PCSK5: variants seen among roughly 807,000 people sequenced by gnomAD.
PCSK5 encodes the protein prohormone convertase 5.
Under a neutral mutation model 233.2 loss-of-function variants are expected in PCSK5, and 129 were observed. The ratio of observed to expected loss-of-function variants is 0.55; its 90% CI spans 0.48 to 0.64. PCSK5 has a LOEUF of 0.64. PCSK5 is among the 30% of genes least tolerant of loss of function. The pLI is 0.00. For missense variants in PCSK5, 2,076 were observed against 2,430.1 expected (o/e 0.85, Z 3.06); for synonymous variants, 825 against 879.2 (o/e 0.94, Z 1.09).
At chr9:76,147,208 G>T (rs1339871608) in intron 10 of PCSK5, among the ~76,000 whole-genome samples, 1 of 152,158 alleles carries the variant, frequency 6.6e-6, no homozygotes, top group East Asian at 1.9e-4. Flanking sequence ...AGACCAATCT[G>T]TCCCTGAAGT....
intron 3 of PCSK5, among the ~76,000 whole-genome samples, chr9:75,994,993 A>G (rs1251841616): frequency 1.3e-5 from 2 of 152,186 alleles, no homozygotes; most frequent in Non-Finnish European, 2.9e-5. Flanking sequence ...CTTTCAGCCC[A>G]TAGGCTTTAT....
At chr9:75,927,160 T>C (rs1034975185) in intron 1 of PCSK5, among the ~76,000 whole-genome samples, 4 of 152,336 alleles carry the variant, frequency 2.6e-5, no homozygotes, top group Middle Eastern at 6.8e-3. Context: ...CATTCTAGTG[T>C]GTGTGCAGTG....
intron 3 of PCSK5, among the ~76,000 whole-genome samples, chr9:75,990,764 G>A (rs971918046): frequency 6.6e-6 from 1 of 152,150 alleles, no homozygotes; most frequent in East Asian, 1.9e-4. Flanking sequence ...CTGGACATTG[G>A]CCTGTAATTT....
intron 1 of PCSK5, among the ~76,000 whole-genome samples, chr9:75,916,136 CTTAAAG>C (rs1380684504): frequency 6.6e-6 from 1 of 152,120 alleles, no homozygotes; most frequent in Non-Finnish European, 1.5e-5. Context: ...AGATATTAAT[CTTAAAG>C]TTAATCAGGT....
intron 1 of PCSK5, among the ~76,000 whole-genome samples, chr9:75,908,931 CTCTCTCTCTGTCTATCTATCTA>C (rs1564074929): frequency 5.1e-5 from 6 of 117,762 alleles, no homozygotes; most frequent in Admixed American, 9.0e-5. Context: ...ATCTCTCTAT[CTCTCTCTCTGTCTATCTATCTA>C]TCTATCTATC....
At chr9:75,975,370 C>T (rs1825972819) in intron 2 of PCSK5, among the ~76,000 whole-genome samples, 1 of 152,010 alleles carries the variant, frequency 6.6e-6, no homozygotes, top group Non-Finnish European at 1.5e-5. Flanking sequence ...TGCTTATGAG[C>T]TATGGAATTA....
At chr9:76,253,084 T>C (rs115313665) in intron 24 of PCSK5, among the ~76,000 whole-genome samples, 2,434 of 152,178 alleles carry the variant, frequency 0.016, 60 homozygotes, top group African/African-American at 0.055. Context: ...AGGAAGTGGC[T>C]GATTGTAAAA....
chr9:76,239,286 G>T, intron 23 of PCSK5, 121 bp downstream of exon 23: 1 of 765,518 alleles, frequency 1.3e-6, no homozygotes, highest in Non-Finnish European at 2.2e-6. Flanking sequence ...GATGATTTTG[G>T]GTGACTCCCA....
At position 76,148,882 on chromosome 9, in the gene PCSK5, G is replaced by A. The variant is rs543754831; in HGVS notation, c.1313-8163G>A. Among the ~76,000 whole-genome samples the A allele has an allele frequency of 3.3e-5, 5 of 152,122 alleles. No homozygotes were observed. The South Asian group carries it at 6.2e-4, about 19-fold the overall frequency. ...ATTCAATTATGTCATTTCCTTGATCGTTGGCCCTCATTGCCTCCAGAGTAA... is the reference window on the plus strand; with the variant it reads ...ATTCAATTATGTCATTTCCTTGATCATTGGCCCTCATTGCCTCCAGAGTAA... On this transcript the variant is annotated intron_variant, in intron 10 of 37. Transcript: ENST00000674117.
intron 7 of PCSK5, among the ~76,000 whole-genome samples, chr9:76,080,978 G>T (rs1447117842): frequency 6.6e-6 from 1 of 151,946 alleles, no homozygotes; most frequent in Non-Finnish European, 1.5e-5. Context: ...ATAATCTTGA[G>T]ATTATTATAA....
At chr9:76,070,202 A>G (rs1437987467) in intron 6 of PCSK5, among the ~76,000 whole-genome samples, 1 of 151,972 alleles carries the variant, frequency 6.6e-6, no homozygotes, top group Non-Finnish European at 1.5e-5. Flanking sequence ...GGGTTTCACC[A>G]TGTTAGCCAG....
At chr9:76,303,513 G>C (rs1828681740) in intron 28 of PCSK5, among the ~76,000 whole-genome samples, 1 of 152,158 alleles carries the variant, frequency 6.6e-6, no homozygotes, top group South Asian at 2.1e-4. Flanking sequence ...GTATATACAT[G>C]ATAACATCAA....
At chr9:75,986,088 AC>A in intron 2 of PCSK5, 43 bp from the exon 3 acceptor site, 1 of 1,110,914 alleles carries the variant, frequency 9.0e-7, no homozygotes, top group Non-Finnish European at 1.4e-6. Flanking sequence ...TGTTGTAATA[AC>A]CCTGATGGAA....
chr9:76,332,279 A>G (rs1829558199), intron 33 of PCSK5, among the ~76,000 whole-genome samples, 154 bp from the exon 34 acceptor site: 1 of 152,154 alleles, frequency 6.6e-6, no homozygotes, highest in Non-Finnish European at 1.5e-5. Flanking sequence ...TTGGACACTA[A>G]TCTTATTTCC....
intron 7 of PCSK5, among the ~76,000 whole-genome samples, chr9:76,090,663 A>C (rs1027540693): frequency 1.3e-5 from 2 of 152,194 alleles, no homozygotes; most frequent in Admixed American, 1.3e-4. Context: ...GGGTGGCTTA[A>C]ACCAGCGGTT....
chr9:76,060,603 TACTA>T (rs911578286), intron 5 of PCSK5, among the ~76,000 whole-genome samples: 2 of 152,022 alleles, frequency 1.3e-5, no homozygotes, highest in East Asian at 1.9e-4. Flanking sequence ...CTGTTCAAAT[TACTA>T]ACTAATTAAT....
At chr9:76,154,501 A>G (rs2131807687) in intron 10 of PCSK5, among the ~76,000 whole-genome samples, 1 of 152,248 alleles carries the variant, frequency 6.6e-6, no homozygotes, top group East Asian at 1.9e-4. Context: ...CAGGTGGGGC[A>G]CGTACCTGGT....
In PCSK5 at chr9:76,321,403, C is replaced by T. The variant is rs760106823; in HGVS notation, c.3885-19C>T. The stretch of plus-strand genomic sequence containing the variant: ...CAGCAGGTCAGCTTCTCCAGTTGCA[C>T]TCTGTCTTCCTTCCACAGGGGCTCT... On this transcript the variant is annotated intron_variant, in intron 30 of 37. Transcript: ENST00000674117. 8.1e-6 allele frequency: 11 copies of T among 1,363,058 alleles called. No homozygotes were observed. The highest frequency in any genetic ancestry group is 1.2e-5 in the Non-Finnish European group (11 of 952,940). The allele number at this position is 1,363,058 out of a possible 1,614,324, so 84.4% of individuals were successfully genotyped here. A position where few individuals can be genotyped will look rare whatever the true frequency, so the allele number is the denominator to read the frequency against.
chr9:76,155,529 T>C (rs1247276016), intron 10 of PCSK5, among the ~76,000 whole-genome samples: 1 of 152,148 alleles, frequency 6.6e-6, no homozygotes, highest in Non-Finnish European at 1.5e-5. Context: ...AGAGAGTTAA[T>C]TGGCAATGCA....
Sources: allele counts gnomAD v4.1 joint callset (sites outside exome capture counted in the v4.1 genomes callset), GRCh38; gene constraint gnomAD v4.1.1; transcripts MANE v1.5; gene names NCBI Gene and HGNC (gene_info 2026-07-23, HGNC 2026-07-21).